Variants in ST8SIA4 observed in about 807,000 individuals in gnomAD.
The protein encoded by ST8SIA4 is ST8 alpha-N-acetyl-neuraminide alpha-2,8-sialyltransferase 4, also known as CMP-N-acetylneuraminate-poly-alpha-2,8-sialyltransferase.
A neutral mutation model predicts 33.9 loss-of-function variants in ST8SIA4; 15 were observed. That is an observed-to-expected ratio of 0.44 (90% CI 0.30 to 0.68). ST8SIA4 has a LOEUF of 0.68. Ranked by LOEUF, ST8SIA4 falls within the 30% of genes least tolerant of loss-of-function variation. The probability of loss-of-function intolerance (pLI) is 0.10; values close to 1 mark genes in which losing one functional copy is unlikely to be tolerated. For missense variants in ST8SIA4, 321 were observed against 428.0 expected (o/e 0.75, Z 2.21); for synonymous variants, 171 against 151.2 (o/e 1.13, Z -0.96).
At chr5:100,813,641 A>C (rs1430348184) in intron 4 of ST8SIA4, among the ~76,000 whole-genome samples, 2 of 152,032 alleles carry the variant, frequency 1.3e-5, no homozygotes, top group Admixed American at 6.6e-5. Context: ...GCATAGTCAA[A>C]CTTCTTTGAA....
chr5:100,834,082 T>TCAAAAGAC (rs1162051879), intron 4 of ST8SIA4, among the ~76,000 whole-genome samples: 3 of 152,086 alleles, frequency 2.0e-5, no homozygotes, highest in Non-Finnish European at 4.4e-5. Context: ...AATATAATAA[T>TCAAAAGAC]CAAAAGACAT....
chr5:100,811,168 CAA>C lies in ST8SIA4; in HGVS notation c.*677_*678del, dbSNP rs5869925. 279 of 120,184 alleles carry C rather than the reference CAA, an allele frequency of 2.3e-3. No individual in the cohort carries two copies. The highest frequency in any genetic ancestry group is 2.1e-3 in the Non-Finnish European group (117 of 55,566). 7.4% of individuals were successfully genotyped at this position (120,184 alleles called of 1,614,324 possible). A position where few individuals can be genotyped will look rare whatever the true frequency, so the allele number is the denominator to read the frequency against. Reference sequence around the variant, plus strand: ...CTCCAGCCTGGGCAACAGAGCGAGACAAAAAAAAAAAAAAAAGTCTTTGTGTG... The same window carrying C: ...CTCCAGCCTGGGCAACAGAGCGAGACAAAAAAAAAAAAAAGTCTTTGTGTG... On this transcript the variant is annotated 3_prime_UTR_variant, in exon 5 of 5. Transcript: ENST00000231461.
At chr5:100,849,033 C>G (rs1392503591) in intron 4 of ST8SIA4, 1 of 756,750 alleles carries the variant, frequency 1.3e-6, no homozygotes, top group African/African-American at 1.9e-5. Context: ...GAATAAATAT[C>G]AAGAGAAAAT....
intron 2 of ST8SIA4, chr5:100,890,460 A>G (rs1165229040): frequency 6.6e-6 from 1 of 151,920 alleles, no homozygotes; most frequent in Non-Finnish European, 1.5e-5. Flanking sequence ...CAGCAGGTCA[A>G]ACAAAATTAT....
At chr5:100,897,650 G>C (rs1159909704) in intron 1 of ST8SIA4, among the ~76,000 whole-genome samples, 1 of 151,900 alleles carries the variant, frequency 6.6e-6, no homozygotes, top group African/African-American at 2.4e-5. Context: ...CTTATAGTTT[G>C]GTATTTTGGT....
chr5:100,876,418 A>T (rs948979601), intron 3 of ST8SIA4, among the ~76,000 whole-genome samples: 4 of 152,070 alleles, frequency 2.6e-5, no homozygotes, highest in African/African-American at 9.7e-5. Context: ...ATTTGTCAAA[A>T]TTTTGCTTGT....
intron 4 of ST8SIA4, among the ~76,000 whole-genome samples, chr5:100,819,044 T>G (rs1750986956): frequency 6.6e-6 from 1 of 152,220 alleles, no homozygotes; most frequent in African/African-American, 2.4e-5. Context: ...TAACTCTCAT[T>G]ATTGTGATAT....
intron 1 of ST8SIA4, among the ~76,000 whole-genome samples, chr5:100,900,103 G>C (rs549589147): frequency 2.5e-4 from 38 of 152,342 alleles, no homozygotes; most frequent in Non-Finnish European, 4.3e-4. Flanking sequence ...CATACTGTAA[G>C]AGTAACTATA....
intron 4 of ST8SIA4, among the ~76,000 whole-genome samples, chr5:100,816,318 C>G (rs1384574095): frequency 6.6e-6 from 1 of 152,018 alleles, no homozygotes. Context: ...AATAATCACC[C>G]GATGAGTCAA....
At chr5:100,894,879 G>A (rs140484253) in intron 2 of ST8SIA4, among the ~76,000 whole-genome samples, 49 of 152,044 alleles carry the variant, frequency 3.2e-4, no homozygotes, top group African/African-American at 6.7e-4. Flanking sequence ...ATTATATAAC[G>A]AATGTATTCT....
At chr5:100,867,980 A>G (rs1299730375) in intron 3 of ST8SIA4, among the ~76,000 whole-genome samples, 1 of 152,022 alleles carries the variant, frequency 6.6e-6, no homozygotes, top group African/African-American at 2.4e-5. Context: ...CTATTTTAAC[A>G]GATTCATACT....
chr5:100,854,771 A>G (rs1751779243), intron 4 of ST8SIA4, among the ~76,000 whole-genome samples: 1 of 152,186 alleles, frequency 6.6e-6, no homozygotes, highest in Non-Finnish European at 1.5e-5. Flanking sequence ...ATAAGAAACT[A>G]TTTTTAAGTC....
intron 4 of ST8SIA4, among the ~76,000 whole-genome samples, chr5:100,840,048 T>A (rs998069973): frequency 4.0e-5 from 6 of 151,508 alleles, no homozygotes; most frequent in African/African-American, 1.5e-4. Flanking sequence ...TCATACGGAG[T>A]CTTTTTTAAA....
intron 3 of ST8SIA4, among the ~76,000 whole-genome samples, chr5:100,881,659 C>T (rs1020005793): frequency 1.1e-4 from 17 of 152,128 alleles, no homozygotes; most frequent in Non-Finnish European, 1.9e-4. Context: ...TATAGTTTAG[C>T]TGGGTCCCCA....
intron 4 of ST8SIA4, among the ~76,000 whole-genome samples, chr5:100,814,390 T>C (rs1176404042): frequency 6.6e-6 from 1 of 152,008 alleles, no homozygotes; most frequent in Non-Finnish European, 1.5e-5. Flanking sequence ...GCTTTAGAAA[T>C]GCTAACAGAA....
chr5:100,846,949 T>G (rs1307843224), intron 4 of ST8SIA4, among the ~76,000 whole-genome samples: 2 of 152,080 alleles, frequency 1.3e-5, no homozygotes, highest in African/African-American at 4.8e-5. Flanking sequence ...GAAATAACAT[T>G]GTGACTGAAG....
In ST8SIA4 at chr5:100,856,383, G is replaced by C; in HGVS notation, c.517C>G (p.Pro173Ala). Residue 173 changes from proline to alanine, a missense_variant, in exon 4 of 5, where the codon CCT becomes GCT. Pro to Ala is a conservative substitution (Grantham distance 27, BLOSUM62 -1). Transcript: ENST00000231461. ...ACATCTGCAGCAAACTCCACCACAG[G>C]AGCTAGATTACACCTGAAGAGGAAA... ...HNFVIRCNLAPVVEFAADVGT... is the reference protein window; with the variant it reads ...HNFVIRCNLAAVVEFAADVGT... 6.2e-7 allele frequency: 1 copy of C among 1,612,590 alleles called. No homozygotes were observed. The highest frequency in any genetic ancestry group is 8.5e-7 in the Non-Finnish European group (1 of 1,179,210).
chr5:100,830,111 A>G (rs1395214903), intron 4 of ST8SIA4, among the ~76,000 whole-genome samples: 2 of 152,220 alleles, frequency 1.3e-5, no homozygotes, highest in African/African-American at 2.4e-5. Flanking sequence ...TAAAATACTT[A>G]TGTGGCTCGC....
chr5:100,823,399 A>G (rs572121657), intron 4 of ST8SIA4, among the ~76,000 whole-genome samples: 37 of 152,226 alleles, frequency 2.4e-4, no homozygotes, highest in Middle Eastern at 3.2e-3. Flanking sequence ...TGAAGTAGCC[A>G]TTCTTATATT....
Sources: allele counts gnomAD v4.1 joint callset (sites outside exome capture counted in the v4.1 genomes callset), GRCh38; gene constraint gnomAD v4.1.1; transcripts MANE v1.5; gene names NCBI Gene and HGNC (gene_info 2026-07-23, HGNC 2026-07-21).